C3: variants seen among roughly 807,000 people sequenced by gnomAD.
C3 encodes the protein C3 and PZP-like alpha-2-macroglobulin domain-containing protein 1.
C3 carries 97 observed loss-of-function variants against 207.9 expected under a neutral mutation model. The observed-to-expected ratio is 0.47, with a 90% CI of 0.40 to 0.55. The LOEUF (loss-of-function observed/expected upper bound fraction) is 0.55, where lower values mean the gene tolerates loss of function less well. Among genes scored for constraint, C3 ranks in the 20% least tolerant of loss-of-function variants. C3 has a pLI of 0.00. For synonymous variants in C3, 848 were observed against 857.6 expected (o/e 0.99, Z 0.20); for missense variants, 1,684 against 2,171.7 (o/e 0.78, Z 4.46).
At chr19:6,697,223 C>G in intron 21 of C3, 121 bp downstream of exon 21, 1 of 790,546 alleles carries the variant, frequency 1.3e-6, no homozygotes, top group Non-Finnish European at 2.2e-6. Flanking sequence ...TTCCAAATTT[C>G]CTAAGCTGGA....
In C3 at chr19:6,707,842, T is replaced by A; in HGVS notation, c.1933A>T (p.Thr645Ser). The A allele has an allele frequency of 6.2e-7, 1 of 1,613,910 alleles. No homozygotes were observed. The highest frequency in any genetic ancestry group is 1.7e-4 in the Middle Eastern group (1 of 6,050). ...TGCTGGCCACTGCTGCTCGTGAAGG[T>A]CAGCCCTGCGTCGGAGAAGACACCG... Reference protein sequence around the residue: ...YAGVFSDAGLTFTSSSGQQTA... With the variant: ...YAGVFSDAGLSFTSSSGQQTA... The change falls in exon 15 of 41, where the codon ACC becomes TCC. Residue 645 changes from threonine (T) to serine (S), a missense_variant. Physicochemically the swap from Thr to Ser is moderately conservative, Grantham distance 58 (BLOSUM62 1). Coordinates refer to ENST00000245907, the MANE Select transcript of C3 (RefSeq NM_000064.4).
chr19:6,701,743 T>TC (rs1967678935), intron 19 of C3, among the ~76,000 whole-genome samples: 1 of 152,210 alleles, frequency 6.6e-6, no homozygotes, highest in African/African-American at 2.4e-5. Flanking sequence ...CAGGCTGGTC[T>TC]TGAACTCCTG....
intron 17 of C3, among the ~76,000 whole-genome samples, chr19:6,705,009 G>C (rs1967745274): frequency 6.6e-6 from 1 of 152,128 alleles, no homozygotes; most frequent in African/African-American, 2.4e-5. Context: ...AAAGTGCTGG[G>C]ATCACAGGTG....
At chr19:6,682,465 C>T (rs955078358) in intron 33 of C3, 1 of 514,982 alleles carries the variant, frequency 1.9e-6, no homozygotes, top group African/African-American at 1.9e-5. Flanking sequence ...ATTCAAATTC[C>T]AGCTCTAAAT....
Position 6,684,761 on chromosome 19 carries a change from T to C in C3, c.4029+14A>G. 1 of 1,613,948 alleles carries C rather than the reference T, an allele frequency of 6.2e-7. No homozygotes were observed. The highest frequency in any genetic ancestry group is 8.5e-7 in the Non-Finnish European group (1 of 1,179,906). Reference sequence around the variant, plus strand: ...GGGGCATGGGCCAGGCAGGTGTGGGTTTCTGTTCCTTACCGACAAGGTGCC... The same window carrying C: ...GGGGCATGGGCCAGGCAGGTGTGGGCTTCTGTTCCTTACCGACAAGGTGCC... On this transcript the variant is annotated intron_variant, in intron 31 of 40. Transcript: ENST00000245907.
intron 14 of C3, among the ~76,000 whole-genome samples, chr19:6,709,111 C>T (rs1452535713): frequency 6.6e-6 from 1 of 152,214 alleles, no homozygotes; most frequent in Non-Finnish European, 1.5e-5. Context: ...CACTGAATGA[C>T]CCTGGGTGTG....
chr19:6,709,493 T>A (rs1322709646), intron 14 of C3, among the ~76,000 whole-genome samples, 191 bp downstream of exon 14: 1 of 151,980 alleles, frequency 6.6e-6, no homozygotes, highest in East Asian at 1.9e-4. Flanking sequence ...CTCAGGACCA[T>A]CCCCAATTGG....
rs963475515 is a variant in C3, at chr19:6,696,209, CA to C, written c.2950+169del. On this transcript the variant is annotated intron_variant, in intron 23 of 40. Transcript: ENST00000245907. Reference sequence around the variant, plus strand: ...TGGGTGACAGAGCCAGACTCTGTCTCAAAAAAAAAAAAAAAAAAAAATGTAA... The same window carrying C: ...TGGGTGACAGAGCCAGACTCTGTCTCAAAAAAAAAAAAAAAAAAAATGTAA... Among the ~76,000 whole-genome samples the C allele has an allele frequency of 0.18, 11,325 of 63,906 alleles. 293 individuals are homozygous for C. The highest frequency in any genetic ancestry group is 0.21 in the Non-Finnish European group (6,563 of 31,432). 41.9% of individuals were successfully genotyped at this position (63,906 alleles called of 152,430 possible).
intron 11 of C3, among the ~76,000 whole-genome samples, 199 bp from the exon 12 acceptor site, chr19:6,711,395 G>A (rs1420385761): frequency 1.3e-5 from 2 of 152,078 alleles, no homozygotes; most frequent in Non-Finnish European, 1.5e-5. Context: ...TATTAAGCAG[G>A]GGCAGGGGAG....
At position 6,690,644 on chromosome 19, in the gene C3, G is replaced by A. The variant is rs749276885; in HGVS notation, c.3474C>T (p.Cys1158=). 5 of 1,614,008 alleles carry A rather than the reference G, an allele frequency of 3.1e-6. No individual in the cohort carries two copies. Among genetic ancestry groups the A allele is most frequent in the East Asian group, 2.2e-5 (1 of 44,892 alleles). Reference sequence around the variant, plus strand: ...GGGCACTTACGTTGACCTGCTCCTCGCAAATATCTTTAGCCTCCTGCAGCG... The same window carrying A: ...GGGCACTTACGTTGACCTGCTCCTCACAAATATCTTTAGCCTCCTGCAGCG... ...LISLQEAKDI[C]EEQVNSLPGS... Residue 1158 remains cysteine (C), a synonymous_variant, in exon 27 of 41, where the codon TGC becomes TGT. Coordinates refer to ENST00000245907, the MANE Select transcript of C3 (RefSeq NM_000064.4).
chr19:6,705,189 C>A (rs142407097), intron 17 of C3, among the ~76,000 whole-genome samples: 1 of 151,402 alleles, frequency 6.6e-6, no homozygotes, highest in African/African-American at 2.5e-5. Context: ...AAAAGTACAG[C>A]CCACCATCCA....
At chr19:6,680,383 T>G (rs1917830304) in intron 35 of C3, 120 bp from the exon 36 acceptor site, 3 of 708,262 alleles carry the variant, frequency 4.2e-6, no homozygotes, top group Admixed American at 3.9e-5. Flanking sequence ...CAAAGATGAA[T>G]GAGCAATTCA....
chr19:6,697,065 T>TAA (rs1967553973), intron 21 of C3, among the ~76,000 whole-genome samples: 1 of 78,582 alleles, frequency 1.3e-5, no homozygotes, highest in African/African-American at 5.0e-5. Flanking sequence ...AACAAATAAA[T>TAA]AAATAAATAA....
rs1350178500 is a variant in C3 at position 6,694,477 on chromosome 19, C to T, written c.3108G>A (p.Lys1036=). 2 of 1,614,178 alleles carry T rather than the reference C, an allele frequency of 1.2e-6. No individual in the cohort carries two copies. The highest frequency in any genetic ancestry group is 2.2e-5 in the South Asian group (2 of 91,088). ...CCCCCTGCCGCTTCTCTAGGCCGAA[C>T]TTCTCCCACTGCTCCGTTTCATCCA... The part of the protein sequence containing the change: ...HYLDETEQWE[K]FGLEKRQGAL... The change falls in exon 24 of 41, where the codon AAG becomes AAA. Residue 1036 remains lysine, a synonymous_variant. Coordinates refer to ENST00000245907, the MANE Select transcript of C3 (RefSeq NM_000064.4).
At chr19:6,684,014 G>A (rs1275456100) in intron 33 of C3, among the ~76,000 whole-genome samples, 1 of 152,210 alleles carries the variant, frequency 6.6e-6, no homozygotes, top group Non-Finnish European at 1.5e-5. Flanking sequence ...CAGGAGGATC[G>A]CTTGAGCCAG....
chr19:6,688,198 T>A (rs1215051370), intron 27 of C3, among the ~76,000 whole-genome samples: 1 of 152,052 alleles, frequency 6.6e-6, no homozygotes, highest in African/African-American at 2.4e-5. Context: ...TGGCGCAATC[T>A]CGGCTCACTG....
Position 6,682,224 on chromosome 19 carries a change from C to G in C3, c.4178G>C (p.Arg1393Pro). The change falls in exon 34 of 41, where the codon CGG (arginine) becomes CCG (proline). Residue 1393 changes from arginine (R) to proline (P), a missense_variant. Around this residue, in one of 3 missense-constraint regions of C3, gnomAD observed 346 missense variants for 380.1 expected, o/e 0.91. Coordinates refer to ENST00000245907, the MANE Select transcript of C3 (RefSeq NM_000064.4). ...TMILEICTRY[R>P]GDQDATMSIL... ...AGACATAGTGGCATCCTGGTCTCCC[C>G]GGTACCTGGATAGTGCAGAAAGAAG... The G allele has an allele frequency of 6.2e-7, 1 of 1,612,166 alleles. No individual in the cohort carries two copies. Among genetic ancestry groups the G allele is most frequent in the South Asian group, 1.1e-5 (1 of 91,018 alleles).
chr19:6,682,528 A>G, intron 33 of C3: 1 of 394,250 alleles, frequency 2.5e-6, no homozygotes, highest in Non-Finnish European at 4.8e-6. Context: ...AAAACAAGGC[A>G]AGAATACAGG....
In C3 at chr19:6,714,367, A is replaced by G. The variant is rs762453863; in HGVS notation, c.584T>C (p.Ile195Thr). 1 of 1,613,764 alleles carries G rather than the reference A, an allele frequency of 6.2e-7. No homozygotes were observed. ...QLGVLPLSWD[I>T]PELVNMGQWK... ...CCTGACATACTTGACGAGTTCCGGA[A>G]TGTCCCAAGACAAGGGCAAGACGCC... Residue 195 changes from isoleucine (I) to threonine (T), a missense_variant, in exon 5 of 41, where the codon ATT becomes ACT. Ile to Thr is a moderately conservative substitution (Grantham distance 89). Transcript: ENST00000245907.
Sources: gnomAD v4.1 joint callset for allele counts (sites outside exome capture counted in the v4.1 genomes callset) on GRCh38, gnomAD v4.1.1 for gene constraint, gnomAD v4.1.1 regional missense constraint, MANE v1.5 for transcripts, NCBI Gene and HGNC (gene_info 2026-07-23, HGNC 2026-07-21) for gene names.